ACTR3C: variants seen among roughly 807,000 people sequenced by gnomAD.
ACTR3C encodes actin-related protein 3C.
ACTR3C carries 18 observed loss-of-function variants against 26.3 expected under a neutral mutation model. The ratio of observed to expected loss-of-function variants is 0.68; its 90% CI spans 0.47 to 1.01. The LOEUF (loss-of-function observed/expected upper bound fraction) is 1.01, where lower values mean the gene tolerates loss of function less well. Ranked by LOEUF, ACTR3C falls within the 50% of genes least tolerant of loss-of-function variation. The pLI, the probability that ACTR3C is intolerant of heterozygous loss-of-function variation, is 0.00. For missense variants in ACTR3C, 184 were observed against 250.7 expected, an observed-to-expected ratio of 0.73 and a Z score of 1.80; for synonymous variants, 55 against 94.5, an observed-to-expected ratio of 0.58 and a Z score of 2.42.
chr7:150,066,677 A>G, the ACTR3C span, among the ~76,000 whole-genome samples: 20,691 of 152,190 alleles, frequency 0.14, 1,506 homozygotes, highest in South Asian at 0.23. Context: ...AATCATCTCA[A>G]TGAGCCTTCC....
the ACTR3C span, among the ~76,000 whole-genome samples, chr7:149,929,439 A>G: frequency 6.6e-6 from 1 of 150,892 alleles, no homozygotes; most frequent in East Asian, 1.9e-4. Flanking sequence ...AAAAAAAAAA[A>G]AAAAAAAAAA....
the ACTR3C span, among the ~76,000 whole-genome samples, chr7:149,974,526 A>C: frequency 6.6e-6 from 1 of 152,164 alleles, no homozygotes; most frequent in Non-Finnish European, 1.5e-5. Context: ...TTACATTTCC[A>C]CGTCACCACT....
At chr7:150,035,766 CTCTGCGATGGGGTT>C in the ACTR3C span, among the ~76,000 whole-genome samples, 1 of 138,044 alleles carries the variant, frequency 7.2e-6, no homozygotes, top group Non-Finnish European at 1.6e-5. Flanking sequence ...TGCGTCCCCC[CTCTGCGATGGGGTT>C]CCTAAGAGCC....
chr7:150,309,879 C>T (rs897670020), intron 1 of ACTR3C, among the ~76,000 whole-genome samples: 7 of 152,142 alleles, frequency 4.6e-5, no homozygotes, highest in African/African-American at 1.4e-4. Context: ...CGCCGAGCTT[C>T]GGGTAACTTT....
At chr7:150,218,445 G>A in the ACTR3C span, among the ~76,000 whole-genome samples, 3 of 152,216 alleles carry the variant, frequency 2.0e-5, no homozygotes, top group Non-Finnish European at 2.9e-5. Context: ...TTTAAAGAAC[G>A]AAGGATAGGG....
the ACTR3C span, among the ~76,000 whole-genome samples, chr7:150,103,091 G>A: frequency 6.6e-6 from 1 of 151,920 alleles, no homozygotes; most frequent in Non-Finnish European, 1.5e-5. Flanking sequence ...GTGTGTGTGT[G>A]TGCTGTGCAC....
the ACTR3C span, among the ~76,000 whole-genome samples, chr7:150,126,139 A>G: frequency 6.6e-5 from 10 of 152,364 alleles, no homozygotes; most frequent in South Asian, 1.9e-3. Flanking sequence ...GCACTTTGCA[A>G]CCGACACTCA....
intron 1 of ACTR3C, among the ~76,000 whole-genome samples, chr7:150,304,197 G>A (rs555870140): frequency 6.6e-6 from 1 of 152,196 alleles, no homozygotes; most frequent in South Asian, 2.1e-4. Flanking sequence ...GGTCTACACT[G>A]GCTAGGTCTA....
At chr7:150,034,050 G>A in the ACTR3C span, among the ~76,000 whole-genome samples, 158 of 151,504 alleles carry the variant, frequency 1.0e-3, 1 homozygote, top group South Asian at 9.2e-3. Context: ...AAGAGGGGTT[G>A]GCTCTGAGTC....
the ACTR3C span, among the ~76,000 whole-genome samples, chr7:150,034,653 C>G: frequency 6.6e-6 from 1 of 150,918 alleles, no homozygotes; most frequent in Non-Finnish European, 1.5e-5. Flanking sequence ...CCCGTCGGAT[C>G]GTAAATCCCA....
chr7:150,045,750 A>T, the ACTR3C span, among the ~76,000 whole-genome samples: 29 of 152,290 alleles, frequency 1.9e-4, no homozygotes, highest in Non-Finnish European at 3.1e-4. Flanking sequence ...AAGATTTTTT[A>T]AAAAAAGATG....
chr7:150,100,326 C>T, the ACTR3C span, among the ~76,000 whole-genome samples: 20 of 151,794 alleles, frequency 1.3e-4, 1 homozygote, highest in African/African-American at 4.9e-4. Context: ...TAAAGCCATC[C>T]TCAGTGCAGC....
chr7:150,203,811 C>T, the ACTR3C span, among the ~76,000 whole-genome samples: 1 of 152,184 alleles, frequency 6.6e-6, no homozygotes, highest in Non-Finnish European at 1.5e-5. Flanking sequence ...AGGTGATCCA[C>T]CTGCCTTGGC....
At chr7:150,069,261 T>C in the ACTR3C span, among the ~76,000 whole-genome samples, 1 of 152,166 alleles carries the variant, frequency 6.6e-6, no homozygotes. Flanking sequence ...TTAATAAAAA[T>C]AATTATGACC....
chr7:150,209,638 G>T, the ACTR3C span, among the ~76,000 whole-genome samples: 7 of 150,096 alleles, frequency 4.7e-5, no homozygotes, highest in Admixed American at 6.6e-5. Flanking sequence ...CCAGCACTTC[G>T]GAGGCCAAGG....
chr7:149,884,070 C>T, the ACTR3C span, among the ~76,000 whole-genome samples: 1 of 152,150 alleles, frequency 6.6e-6, no homozygotes, highest in African/African-American at 2.4e-5. Flanking sequence ...AAGAGCAGCC[C>T]TCAGTTAATT....
the ACTR3C span, among the ~76,000 whole-genome samples, chr7:150,100,435 G>T: frequency 6.6e-6 from 1 of 151,672 alleles, no homozygotes; most frequent in South Asian, 2.1e-4. Context: ...CTTTATTCCA[G>T]CATCTTGATT....
At chr7:150,122,246 C>T in the ACTR3C span, among the ~76,000 whole-genome samples, 4 of 146,710 alleles carry the variant, frequency 2.7e-5, no homozygotes, top group African/African-American at 1.0e-4. Context: ...AATTAAAGAG[C>T]TTCTGCACAG....
the ACTR3C span, among the ~76,000 whole-genome samples, chr7:149,921,895 T>A: frequency 1.3e-4 from 19 of 151,460 alleles, no homozygotes; most frequent in East Asian, 2.3e-3. Context: ...AAAAAAAAAA[T>A]AAAATTCCAT....
Sources: allele counts gnomAD v4.1 joint callset (sites outside exome capture counted in the v4.1 genomes callset), GRCh38; gene constraint gnomAD v4.1.1; transcripts MANE v1.5; gene names NCBI Gene and HGNC (gene_info 2026-07-23, HGNC 2026-07-21).